The following POMT2 variants were observed in gnomAD, a reference collection of about 807,000 sequenced individuals.
The protein encoded by POMT2 is protein O-mannosyl-transferase 2.
POMT2 carries 75 observed loss-of-function variants against 100.0 expected under a neutral mutation model. The ratio of observed to expected loss-of-function variants is 0.75; its 90% CI spans 0.62 to 0.91. The LOEUF (loss-of-function observed/expected upper bound fraction) is 0.91. Among genes scored for constraint, POMT2 ranks in the 40% least tolerant of loss-of-function variants. The pLI, the probability that POMT2 is intolerant of heterozygous loss-of-function variation, is 0.00. For missense variants in POMT2, 940 were observed against 955.1 expected (o/e 0.98, Z 0.21); for synonymous variants, 378 against 374.1 (o/e 1.01, Z -0.12).
Position 77,302,885 on chromosome 14 carries a change from G to A in POMT2, c.606C>T (p.Phe202=). 1 of 1,614,036 alleles carries A rather than the reference G, an allele frequency of 6.2e-7. No individual in the cohort carries two copies. The highest frequency in any genetic ancestry group is 8.5e-7 in the Non-Finnish European group (1 of 1,179,920). ...YILLDPILMF[F]IMAAMLSMVK... ...CCATGCTCAGCATGGCAGCCATGATGAAGAACATCAGGATGGGGTCAAGGA... is the reference window on the plus strand; with the variant it reads ...CCATGCTCAGCATGGCAGCCATGATAAAGAACATCAGGATGGGGTCAAGGA... Residue 202 remains phenylalanine (F), a synonymous_variant, in exon 5 of 21, where the codon TTC becomes TTT. Coordinates refer to ENST00000261534, the MANE Select transcript of POMT2 (RefSeq NM_013382.7).
intron 2 of POMT2, among the ~76,000 whole-genome samples, chr14:77,308,062 A>G (rs1329480059): frequency 1.3e-5 from 2 of 149,892 alleles, no homozygotes; most frequent in African/African-American, 2.5e-5. Flanking sequence ...GGGTTTCACC[A>G]TCTTGGCCAG....
intron 6 of POMT2, 132 bp from the exon 7 acceptor site, chr14:77,299,693 A>C: frequency 1.4e-6 from 1 of 708,548 alleles, no homozygotes. Context: ...GAGAGAGAAG[A>C]ATATGTGGAA....
chr14:77,280,739 T>C (rs1171898473), intron 15 of POMT2, among the ~76,000 whole-genome samples: 1 of 152,046 alleles, frequency 6.6e-6, no homozygotes, highest in African/African-American at 2.4e-5. Context: ...GCACAAAATA[T>C]ATACCCATCT....
chr14:77,307,427 G>A (rs899987573), intron 2 of POMT2, among the ~76,000 whole-genome samples: 12 of 152,246 alleles, frequency 7.9e-5, no homozygotes, highest in Non-Finnish European at 1.8e-4. Flanking sequence ...CCAAAGTCTG[G>A]CAGTAAAAGA....
At chr14:77,301,611 T>C (rs1281954058) in intron 5 of POMT2, among the ~76,000 whole-genome samples, 5 of 152,230 alleles carry the variant, frequency 3.3e-5, no homozygotes, top group Non-Finnish European at 7.3e-5. Flanking sequence ...CTCTCCTTTG[T>C]GTCACCTCTG....
In POMT2 at chr14:77,320,835, G is replaced by GCGGGCAGCGTGGTCGCGGCC; in HGVS notation, c.-174_-155dup. Reference sequence around the variant, plus strand: ...CGCGGGGCCCCGGGCTCGGGGCGGGGCGGGCAGCGTGGTCGCGGCCCGGGC... The same window carrying GCGGGCAGCGTGGTCGCGGCC: ...CGCGGGGCCCCGGGCTCGGGGCGGGGCGGGCAGCGTGGTCGCGGCCCGGGCAGCGTGGTCGCGGCCCGGGC... On this transcript the variant is annotated 5_prime_UTR_variant, in exon 1 of 21. Transcript: ENST00000261534. The GCGGGCAGCGTGGTCGCGGCC allele has an allele frequency of 7.4e-7, 1 of 1,360,156 alleles. No individual in the cohort carries two copies. The highest frequency in any genetic ancestry group is 9.4e-7 in the Non-Finnish European group (1 of 1,059,824). The allele number at this position is 1,360,156 out of a possible 1,614,324, so 84.3% of individuals were successfully genotyped here.
chr14:77,320,846 G>A lies in POMT2; in HGVS notation c.-165C>T. The A allele has an allele frequency of 1.1e-5, 14 of 1,331,770 alleles. No individual in the cohort carries two copies. The South Asian group carries it at 2.5e-4, about 24-fold the overall frequency. The allele number at this position is 1,331,770 out of a possible 1,614,324, so 82.5% of individuals were successfully genotyped here. A position where few individuals can be genotyped will look rare whatever the true frequency, so the allele number is the denominator to read the frequency against. ...GGGCTCGGGGCGGGGCGGGCAGCGT[G>A]GTCGCGGCCCGGGCCGCTAGGAGGC... On this transcript the variant is annotated 5_prime_UTR_variant, in exon 1 of 21. Coordinates refer to ENST00000261534, the MANE Select transcript of POMT2 (RefSeq NM_013382.7).
Position 77,320,816 on chromosome 14 carries a change from GC to G in POMT2, c.-136del. ...GCCCTTCACTGCAGCGGAGCGCGGG[GC>G]CCCGGGCTCGGGGCGGGGCGGGCAG... On this transcript the variant is annotated 5_prime_UTR_variant, in exon 1 of 21. Transcript: ENST00000261534. 2 of 1,383,580 alleles carry G rather than the reference GC, an allele frequency of 1.4e-6. No homozygotes were observed. Among genetic ancestry groups the G allele is most frequent in the South Asian group, 1.6e-5 (1 of 61,044 alleles). 85.7% of individuals were successfully genotyped at this position (1,383,580 alleles called of 1,614,324 possible).
intron 9 of POMT2, among the ~76,000 whole-genome samples, chr14:77,295,883 G>A (rs984687411): frequency 2.6e-5 from 4 of 152,026 alleles, no homozygotes; most frequent in African/African-American, 9.7e-5. Context: ...AGTTCAATAT[G>A]AGAAGGTTTA....
rs186022524 is a variant in POMT2, at chr14:77,312,946, T to A, written c.249-913A>T. ...TTTCTTACTAAATTAAGACCACATCTAAAACCTATCCTCATTGCTTAAGTT... is the reference window on the plus strand; with the variant it reads ...TTTCTTACTAAATTAAGACCACATCAAAAACCTATCCTCATTGCTTAAGTT... On this transcript the variant is annotated intron_variant, in intron 1 of 20. Transcript: ENST00000261534. 2.1e-3 allele frequency among the ~76,000 whole-genome samples: 318 copies of A among 152,356 alleles called. 1 individual carries two copies. The highest frequency in any genetic ancestry group is 2.9e-3 in the Non-Finnish European group (199 of 68,028).
intron 1 of POMT2, chr14:77,320,217 C>G (rs1891806353): frequency 4.1e-6 from 3 of 740,086 alleles, no homozygotes; most frequent in Non-Finnish European, 6.7e-6. Flanking sequence ...GCTGCTTCCT[C>G]AGATACTAAG....
At chr14:77,279,141 C>T in intron 18 of POMT2, 1 of 530,696 alleles carries the variant, frequency 1.9e-6, no homozygotes. Context: ...CCTTCTGCGC[C>T]TGCAGACAGC....
At chr14:77,291,563 A>C (rs1176761634) in intron 9 of POMT2, 183 bp from the exon 10 acceptor site, 4 of 733,916 alleles carry the variant, frequency 5.5e-6, no homozygotes. Flanking sequence ...CTGGTGAGTG[A>C]GATTCTCTCC....
chr14:77,320,833 G>T lies in POMT2; in HGVS notation c.-152C>A. Reference sequence around the variant, plus strand: ...AGCGCGGGGCCCCGGGCTCGGGGCGGGGCGGGCAGCGTGGTCGCGGCCCGG... The same window carrying T: ...AGCGCGGGGCCCCGGGCTCGGGGCGTGGCGGGCAGCGTGGTCGCGGCCCGG... On this transcript the variant is annotated 5_prime_UTR_variant, in exon 1 of 21. Coordinates refer to ENST00000261534, the MANE Select transcript of POMT2 (RefSeq NM_013382.7). 1 of 1,360,578 alleles carries T rather than the reference G, an allele frequency of 7.3e-7. No individual in the cohort carries two copies. Among genetic ancestry groups the T allele is most frequent in the South Asian group, 1.7e-5 (1 of 58,380 alleles). The allele number at this position is 1,360,578 out of a possible 1,614,324, so 84.3% of individuals were successfully genotyped here.
At chr14:77,315,189 T>C (rs1891581096) in intron 1 of POMT2, among the ~76,000 whole-genome samples, 1 of 152,022 alleles carries the variant, frequency 6.6e-6, no homozygotes, top group Non-Finnish European at 1.5e-5. Flanking sequence ...CTGCAGACAC[T>C]CAGGACTGCA....
rs886050824 is a variant in POMT2, at chr14:77,277,257, A to G, written c.*119T>C. On this transcript the variant is annotated 3_prime_UTR_variant, in exon 21 of 21. Transcript: ENST00000261534. ...GCACTCCCAGAGCTGGGTCCTGGTG[A>G]GCAGCAGAATTCTTCGGGCTCCTTA... The G allele has an allele frequency of 3.3e-5, 28 of 844,704 alleles. No homozygotes were observed. Among genetic ancestry groups the G allele is most frequent in the Admixed American group, 8.0e-5 (4 of 50,038 alleles). The allele number at this position is 844,704 out of a possible 1,614,324, so 52.3% of individuals were successfully genotyped here. A position where few individuals can be genotyped will look rare whatever the true frequency, so the allele number is the denominator to read the frequency against.
intron 1 of POMT2, among the ~76,000 whole-genome samples, chr14:77,317,213 G>A (rs1891665424): frequency 6.6e-6 from 1 of 152,170 alleles, no homozygotes; most frequent in Non-Finnish European, 1.5e-5. Flanking sequence ...CACATTGCAA[G>A]GGGCACTGAC....
intron 2 of POMT2, 160 bp from the exon 3 acceptor site, chr14:77,306,601 G>A: frequency 1.4e-6 from 1 of 725,142 alleles, no homozygotes; most frequent in South Asian, 1.6e-5. Flanking sequence ...AGCTGCCACA[G>A]AGCAAAGAAT....
chr14:77,299,130 C>T (rs1265085163), intron 7 of POMT2, among the ~76,000 whole-genome samples: 1 of 152,146 alleles, frequency 6.6e-6, no homozygotes, highest in Non-Finnish European at 1.5e-5. Context: ...CTGTTGCCGC[C>T]GGAGTTACTG....
Sources: gnomAD v4.1 joint callset for allele counts (sites outside exome capture counted in the v4.1 genomes callset) on GRCh38, gnomAD v4.1.1 for gene constraint, MANE v1.5 for transcripts, NCBI Gene and HGNC (gene_info 2026-07-23, HGNC 2026-07-21) for gene names.